TBC1D30: variants seen among roughly 807,000 people sequenced by gnomAD.
TBC1D30 encodes the protein TBC1 domain family, member 30.
In TBC1D30, 31 loss-of-function variants were observed where a neutral mutation model predicts 63.2. The ratio of observed to expected loss-of-function variants is 0.49; its 90% CI spans 0.37 to 0.66. The LOEUF (loss-of-function observed/expected upper bound fraction) is 0.66, where lower values mean the gene tolerates loss of function less well. Ranked by LOEUF, TBC1D30 falls within the 30% of genes least tolerant of loss-of-function variation. The pLI, the probability that TBC1D30 is intolerant of heterozygous loss-of-function variation, is 0.00. For synonymous variants in TBC1D30, 307 were observed against 361.5 expected, an observed-to-expected ratio of 0.85 and a Z score of 1.71; for missense variants, 810 against 953.6, an observed-to-expected ratio of 0.85 and a Z score of 1.98.
At chr12:64,780,756 G>A in exon 1 of TBC1D30, 8 of 988,010 alleles carry the variant, frequency 8.1e-6, no homozygotes, top group Non-Finnish European at 9.6e-6. Flanking sequence ...GAACTGGCCG[G>A]CGCCGCGAGG....
chr12:64,797,791 G>A (rs562396247), intron 2 of TBC1D30, among the ~76,000 whole-genome samples: 3 of 152,232 alleles, frequency 2.0e-5, no homozygotes, highest in East Asian at 1.9e-4. Context: ...TCTGAACCTC[G>A]AGATGAACTG....
At chr12:64,839,848 AC>A (rs1384662231) in intron 7 of TBC1D30, among the ~76,000 whole-genome samples, 1 of 151,990 alleles carries the variant, frequency 6.6e-6, no homozygotes, top group Non-Finnish European at 1.5e-5. Context: ...TACTAAATAT[AC>A]AAAAAATTAG....
chr12:64,840,355 A>C (rs1875763235), intron 7 of TBC1D30, among the ~76,000 whole-genome samples: 1 of 152,222 alleles, frequency 6.6e-6, no homozygotes, highest in Admixed American at 6.5e-5. Context: ...ATGATGAGTC[A>C]GTTATAATTG....
chr12:64,802,009 A>G (rs1872602630), intron 2 of TBC1D30, among the ~76,000 whole-genome samples: 1 of 102,428 alleles, frequency 9.8e-6, no homozygotes, highest in Non-Finnish European at 2.3e-5. Context: ...ATGAAACATC[A>G]TTTTTCTTTT....
At chr12:64,799,829 G>A (rs773091128) in intron 2 of TBC1D30, among the ~76,000 whole-genome samples, 8 of 152,286 alleles carry the variant, frequency 5.3e-5, no homozygotes, top group Non-Finnish European at 8.8e-5. Flanking sequence ...GATAGAGGCC[G>A]GGCGCAGTGG....
At chr12:64,817,628 C>T (rs967200739) in intron 2 of TBC1D30, among the ~76,000 whole-genome samples, 15 of 152,342 alleles carry the variant, frequency 9.8e-5, no homozygotes, top group Non-Finnish European at 1.9e-4. Flanking sequence ...TTTTCCGGTA[C>T]TTCCCTCTTG....
At position 64,875,549 on chromosome 12, in the gene TBC1D30, C is replaced by G; in HGVS notation, c.2047C>G (p.Pro683Ala). 6.5e-7 allele frequency: 1 copy of G among 1,536,126 alleles called. No homozygotes were observed. The highest frequency in any genetic ancestry group is 8.7e-7 in the Non-Finnish European group (1 of 1,146,904). The stretch of plus-strand genomic sequence containing the variant: ...GCACCCACCCTGCCAGCGGCACTGC[C>G]CAGAGCCGCCGAGTGCACCCGAAGA... ...RVHPPCQRHCPEPPSAPEENK... is the reference protein window; with the variant it reads ...RVHPPCQRHCAEPPSAPEENK... Residue 683 changes from proline to alanine, a missense_variant, in exon 12 of 12, where the codon CCA becomes GCA. Around this residue, in one of 4 missense-constraint regions of TBC1D30, gnomAD observed 450 missense variants for 473.0 expected, o/e 0.95. Coordinates refer to ENST00000539867, the MANE Select transcript of TBC1D30 (RefSeq NM_015279.2).
upstream of TBC1D30, among the ~76,000 whole-genome samples, chr12:64,819,778 C>A (rs529143754): frequency 3.5e-4 from 54 of 152,276 alleles, no homozygotes; most frequent in South Asian, 0.011. Context: ...GGTTAGCAGA[C>A]GCCACTTCAC....
chr12:64,840,225 G>T (rs1416670567), intron 7 of TBC1D30, among the ~76,000 whole-genome samples: 1 of 152,160 alleles, frequency 6.6e-6, no homozygotes, highest in Non-Finnish European at 1.5e-5. Flanking sequence ...CTGCAGCCAT[G>T]TATTTCCAAC....
intron 2 of TBC1D30, among the ~76,000 whole-genome samples, chr12:64,806,478 C>T (rs11175561): frequency 0.021 from 3,263 of 152,238 alleles, 57 homozygotes; most frequent in Middle Eastern, 0.058. Context: ...ACAGCCAGCT[C>T]ACATCCATTA....
intron 8 of TBC1D30, among the ~76,000 whole-genome samples, chr12:64,850,383 G>A (rs1443419294): frequency 6.6e-6 from 1 of 152,164 alleles, no homozygotes; most frequent in Admixed American, 6.5e-5. Flanking sequence ...TCCAGCTTTT[G>A]CCCATTCAGT....
chr12:64,784,795 C>T (rs147196633), intron 1 of TBC1D30, among the ~76,000 whole-genome samples: 109 of 151,904 alleles, frequency 7.2e-4, no homozygotes, highest in African/African-American at 2.5e-3. Flanking sequence ...TGCAGCAAAC[C>T]ACCATGGCAC....
At chr12:64,836,990 C>G (rs886716940) in intron 6 of TBC1D30, among the ~76,000 whole-genome samples, 7 of 152,130 alleles carry the variant, frequency 4.6e-5, no homozygotes, top group African/African-American at 1.7e-4. Flanking sequence ...CTGTAGGAGT[C>G]TTTAAAAATG....
intron 8 of TBC1D30, among the ~76,000 whole-genome samples, chr12:64,852,703 A>C (rs143403461): frequency 0.012 from 1,853 of 152,172 alleles, 44 homozygotes; most frequent in African/African-American, 0.042. Context: ...TGTTGATGCT[A>C]TTCCTTTCTG....
At chr12:64,809,711 T>A (rs1873096983) in intron 2 of TBC1D30, among the ~76,000 whole-genome samples, 1 of 152,212 alleles carries the variant, frequency 6.6e-6, no homozygotes. Context: ...TTGATTTGTT[T>A]TTCTTAAAAC....
chr12:64,760,524 C>T (rs1870462986), intron 1 of TBC1D30, among the ~76,000 whole-genome samples: 1 of 151,986 alleles, frequency 6.6e-6, no homozygotes. Flanking sequence ...TGCACTCTGG[C>T]CTCAGGGACA....
At chr12:64,863,410 A>T (rs1478023788) in intron 8 of TBC1D30, among the ~76,000 whole-genome samples, 1 of 152,210 alleles carries the variant, frequency 6.6e-6, no homozygotes, top group Non-Finnish European at 1.5e-5. Context: ...CTTGGGGCAC[A>T]GTTTATTGTT....
chr12:64,870,211 G>C (rs1878542969), intron 10 of TBC1D30, among the ~76,000 whole-genome samples: 1 of 152,170 alleles, frequency 6.6e-6, no homozygotes, highest in Non-Finnish European at 1.5e-5. Flanking sequence ...AACCAATTCT[G>C]TATAAATCCT....
rs944249234 is a variant in TBC1D30, at chr12:64,866,851, T to C, written c.1239T>C (p.Pro413=). ...TTAATGCAGTGGGGTGTCTTGGACC[T>C]TTTAGTGGGTTCCTGGCTCCTGAAC... ...AVVNAVGCLG[P]FSGFLAPELQ... Residue 413 remains proline, a synonymous_variant, in exon 10 of 12, where the codon CCT becomes CCC. Transcript: ENST00000539867. The C allele has an allele frequency of 1.5e-5, 23 of 1,536,140 alleles. No individual in the cohort carries two copies. In the East Asian group the frequency reaches 5.6e-4, roughly 38 times the overall value.
Sources: allele counts gnomAD v4.1 joint callset (sites outside exome capture counted in the v4.1 genomes callset), GRCh38; gene constraint gnomAD v4.1.1; regional missense constraint gnomAD v4.1.1; transcripts MANE v1.5; gene names NCBI Gene and HGNC (gene_info 2026-07-23, HGNC 2026-07-21).